Variants in ROR1 observed in about 807,000 individuals in gnomAD.
ROR1 encodes inactive tyrosine-protein kinase transmembrane receptor ROR1.
Under a neutral mutation model 78.8 loss-of-function variants are expected in ROR1, and 19 were observed. The observed-to-expected ratio is 0.24, with a 90% CI of 0.17 to 0.35. The LOEUF is 0.35. Among genes scored for constraint, ROR1 ranks in the 10% least tolerant of loss-of-function variants. The pLI is 1.00. For missense variants in ROR1, 917 were observed against 1,177.8 expected, an observed-to-expected ratio of 0.78 and a Z score of 3.24; for synonymous variants, 386 against 433.6, an observed-to-expected ratio of 0.89 and a Z score of 1.36.
intron 1 of ROR1, among the ~76,000 whole-genome samples, chr1:63,839,936 T>G (rs1046522869): frequency 6.6e-6 from 1 of 152,202 alleles, no homozygotes; most frequent in Non-Finnish European, 1.5e-5. Flanking sequence ...TGGCTGAATA[T>G]ATCTCATCAG....
intron 1 of ROR1, among the ~76,000 whole-genome samples, chr1:63,803,887 G>A (rs1022692896): frequency 6.6e-6 from 1 of 152,028 alleles, no homozygotes; most frequent in Non-Finnish European, 1.5e-5. Flanking sequence ...ATGAACTGTC[G>A]ATGCACTCAA....
chr1:63,858,030 C>G lies in ROR1; in HGVS notation c.91+83522C>G, dbSNP rs909909680. On this transcript the variant is annotated intron_variant, in intron 1 of 8. Coordinates refer to ENST00000371079, the MANE Select transcript of ROR1 (RefSeq NM_005012.4). ...TATCACAGTTTCAGGCACATGGGAA[C>G]CCTCTCCCCATTCCCCCAAACTTAA... Among the ~76,000 whole-genome samples, 3 of 142,406 alleles carry G rather than the reference C, an allele frequency of 2.1e-5. No individual in the cohort carries two copies. In the South Asian group the frequency reaches 6.4e-4, roughly 30 times the overall value. The allele number at this position is 142,406 out of a possible 152,430, so 93.4% of individuals were successfully genotyped here. A position where few individuals can be genotyped will look rare whatever the true frequency, so the allele number is the denominator to read the frequency against.
intron 4 of ROR1, among the ~76,000 whole-genome samples, chr1:64,069,684 C>A (rs991894720): frequency 6.6e-6 from 1 of 152,168 alleles, no homozygotes; most frequent in African/African-American, 2.4e-5. Context: ...CTCTAGCAGG[C>A]AGATCCCTGC....
At chr1:64,014,773 T>TATATAC (rs71056017) in intron 2 of ROR1, among the ~76,000 whole-genome samples, 3 of 46,996 alleles carry the variant, frequency 6.4e-5, no homozygotes, top group African/African-American at 5.5e-5. Context: ...TATATATATA[T>TATATAC]ACACATTTTG....
chr1:64,014,800 C>A, intron 2 of ROR1, among the ~76,000 whole-genome samples: 1 of 100,120 alleles, frequency 1.0e-5, no homozygotes. Context: ...TTTGCCTTTT[C>A]AAATGGCTTT....
chr1:63,994,249 C>A (rs1393963728), intron 1 of ROR1, among the ~76,000 whole-genome samples: 1 of 151,926 alleles, frequency 6.6e-6, no homozygotes, highest in East Asian at 1.9e-4. Context: ...TATATTGTAG[C>A]CCTTTGCCTT....
chr1:64,141,687 T>C (rs995796127), intron 6 of ROR1, among the ~76,000 whole-genome samples: 2 of 152,200 alleles, frequency 1.3e-5, no homozygotes, highest in African/African-American at 4.8e-5. Flanking sequence ...ACCGGCAATT[T>C]TTCAGTTTCC....
intron 1 of ROR1, among the ~76,000 whole-genome samples, chr1:63,984,038 C>T (rs1557595048): frequency 6.6e-6 from 1 of 152,122 alleles, no homozygotes. Flanking sequence ...ACATACTGTA[C>T]TTTTTTTCTA....
chr1:64,145,007 A>C (rs1649437038), intron 7 of ROR1, among the ~76,000 whole-genome samples: 1 of 152,214 alleles, frequency 6.6e-6, no homozygotes, highest in Admixed American at 6.5e-5. Context: ...GTGAGAATAA[A>C]TTAGTTGTTA....
chr1:64,071,582 GAC>G (rs546971973), intron 4 of ROR1, among the ~76,000 whole-genome samples: 13 of 106,352 alleles, frequency 1.2e-4, no homozygotes, highest in Non-Finnish European at 1.7e-4. Context: ...CACCCACACA[GAC>G]ACACACACAC....
intron 1 of ROR1, among the ~76,000 whole-genome samples, chr1:63,795,571 C>T (rs558242284): frequency 6.6e-6 from 1 of 152,096 alleles, no homozygotes; most frequent in African/African-American, 2.4e-5. Context: ...CTCTCTTGAA[C>T]TCTTAAGATC....
chr1:64,002,176 C>G (rs572197941), intron 1 of ROR1, among the ~76,000 whole-genome samples: 1 of 145,178 alleles, frequency 6.9e-6, no homozygotes, highest in South Asian at 2.2e-4. Context: ...GCTCTGTCAC[C>G]AGGCTGGAGT....
chr1:64,050,051 A>T, intron 3 of ROR1, 73 bp downstream of exon 3: 1 of 1,522,662 alleles, frequency 6.6e-7, no homozygotes, highest in Non-Finnish European at 9.0e-7. Flanking sequence ...GTCCACAGGG[A>T]CAGGAAGGAA....
At chr1:64,148,698 T>A (rs1359608285) in intron 7 of ROR1, among the ~76,000 whole-genome samples, 1 of 152,188 alleles carries the variant, frequency 6.6e-6, no homozygotes, top group African/African-American at 2.4e-5. Context: ...GAGCAGAATA[T>A]AAAATTAAGT....
intron 2 of ROR1, among the ~76,000 whole-genome samples, chr1:64,015,836 G>T (rs558997852): frequency 8.5e-5 from 13 of 152,194 alleles, no homozygotes; most frequent in African/African-American, 3.1e-4. Flanking sequence ...TTCTTTAAAG[G>T]TTGTCACCTT....
At chr1:64,101,576 A>G (rs1458605070) in intron 4 of ROR1, among the ~76,000 whole-genome samples, 1 of 152,180 alleles carries the variant, frequency 6.6e-6, no homozygotes, top group African/African-American at 2.4e-5. Context: ...TCTAAGAACG[A>G]AGGATATGAC....
intron 1 of ROR1, among the ~76,000 whole-genome samples, chr1:63,899,111 C>T (rs979292265): frequency 6.6e-6 from 1 of 152,038 alleles, no homozygotes; most frequent in Non-Finnish European, 1.5e-5. Flanking sequence ...AGCCCAGACA[C>T]AGTTGTTCAG....
At chr1:63,806,021 AAAAT>A (rs1043201023) in intron 1 of ROR1, among the ~76,000 whole-genome samples, 7 of 152,360 alleles carry the variant, frequency 4.6e-5, no homozygotes, top group South Asian at 2.1e-4. Context: ...GCTGTCTCAA[AAAAT>A]AAATAAAAAT....
chr1:63,955,696 G>C (rs1231585299), intron 1 of ROR1, among the ~76,000 whole-genome samples: 1 of 152,118 alleles, frequency 6.6e-6, no homozygotes, highest in Admixed American at 6.5e-5. Flanking sequence ...ACTTAGCACA[G>C]CTCACAATCC....
Sources: allele counts gnomAD v4.1 joint callset (sites outside exome capture counted in the v4.1 genomes callset), GRCh38; gene constraint gnomAD v4.1.1; transcripts MANE v1.5; gene names NCBI Gene and HGNC (gene_info 2026-07-23, HGNC 2026-07-21).